Variants in FAM184A observed in about 807,000 individuals in gnomAD.
FAM184A encodes family with sequence similarity 184 member A, also known as protein FAM184A.
Under a neutral mutation model 143.8 loss-of-function variants are expected in FAM184A, and 99 were observed. The observed-to-expected ratio is 0.69, with a 90% CI of 0.58 to 0.81. FAM184A has a LOEUF of 0.81. FAM184A is among the 40% of genes least tolerant of loss of function. FAM184A has a pLI of 0.00. For missense variants in FAM184A, 1,217 were observed against 1,310.5 expected, an observed-to-expected ratio of 0.93 and a Z score of 1.10; for synonymous variants, 427 against 446.4, an observed-to-expected ratio of 0.96 and a Z score of 0.55.
At chr6:119,136,845 A>G (rs1252998687) in intron 1 of FAM184A, among the ~76,000 whole-genome samples, 6 of 152,238 alleles carry the variant, frequency 3.9e-5, no homozygotes, top group Admixed American at 3.3e-4. Flanking sequence ...TTCCACCAAG[A>G]CGGCTACAGT....
chr6:119,130,899 T>C (rs1232919266), intron 1 of FAM184A, among the ~76,000 whole-genome samples: 1 of 148,964 alleles, frequency 6.7e-6, no homozygotes, highest in Non-Finnish European at 1.5e-5. Flanking sequence ...GCTCTGCACC[T>C]AGGCTAGAGT....
At chr6:119,120,454 C>T (rs528009278) in intron 1 of FAM184A, among the ~76,000 whole-genome samples, 46 of 152,338 alleles carry the variant, frequency 3.0e-4, no homozygotes, top group South Asian at 6.2e-4. Context: ...GGCTATTATG[C>T]TGCCATCAGT....
At chr6:119,089,019 C>A (rs959604593) in intron 1 of FAM184A, among the ~76,000 whole-genome samples, 1 of 151,502 alleles carries the variant, frequency 6.6e-6, no homozygotes, top group African/African-American at 2.4e-5. Flanking sequence ...TTTCTTATAT[C>A]TCTCTCATGT....
intron 1 of FAM184A, among the ~76,000 whole-genome samples, chr6:119,105,435 G>T (rs1356368607): frequency 3.9e-5 from 6 of 152,084 alleles, no homozygotes; most frequent in Non-Finnish European, 7.3e-5. Flanking sequence ...CCCCTCACTC[G>T]CTGTCTCTCC....
At chr6:118,991,848 C>T (rs1023484358) in intron 9 of FAM184A, among the ~76,000 whole-genome samples, 2 of 146,892 alleles carry the variant, frequency 1.4e-5, no homozygotes, top group South Asian at 2.2e-4. Flanking sequence ...CTGCAAGCTC[C>T]GCCTCCCGGG....
intron 9 of FAM184A, among the ~76,000 whole-genome samples, chr6:118,992,770 AC>A (rs1784418679): frequency 6.6e-6 from 1 of 152,176 alleles, no homozygotes; most frequent in African/African-American, 2.4e-5. Flanking sequence ...CTACAAAAAA[AC>A]AAAAACAAAA....
At chr6:119,064,610 G>A (rs1241116219) in intron 1 of FAM184A, among the ~76,000 whole-genome samples, 1 of 152,182 alleles carries the variant, frequency 6.6e-6, no homozygotes, top group East Asian at 1.9e-4. Flanking sequence ...AGAGGCTGAG[G>A]TGGGAAGATC....
At chr6:119,048,799 G>T (rs1786633554) in intron 1 of FAM184A, among the ~76,000 whole-genome samples, 1 of 151,370 alleles carries the variant, frequency 6.6e-6, no homozygotes, top group Non-Finnish European at 1.5e-5. Context: ...TGGTAGTGGG[G>T]GACTGGTTGA....
At chr6:118,988,954 A>ATTT (rs71556820) in intron 9 of FAM184A, among the ~76,000 whole-genome samples, 1,154 of 111,988 alleles carry the variant, frequency 0.01, 37 homozygotes, top group Non-Finnish European at 0.015. Context: ...TCTGGACATG[A>ATTT]TTTTTTTTTT....
chr6:119,048,963 C>T (rs1786639929), intron 1 of FAM184A, among the ~76,000 whole-genome samples: 1 of 152,174 alleles, frequency 6.6e-6, no homozygotes, highest in South Asian at 2.1e-4. Flanking sequence ...AATGCTATTC[C>T]AATCCAACTA....
chr6:119,026,960 A>C (rs1011810308), intron 1 of FAM184A, among the ~76,000 whole-genome samples: 1 of 152,104 alleles, frequency 6.6e-6, no homozygotes, highest in African/African-American at 2.4e-5. Context: ...GTCTGATAAG[A>C]GATATTTACC....
rs572508377 is a variant in FAM184A at position 119,011,377 on chromosome 6, G to A, written c.1585C>T (p.Gln529Ter). 3 of 1,588,342 alleles carry A rather than the reference G, an allele frequency of 1.9e-6. No individual in the cohort carries two copies. The highest frequency in any genetic ancestry group is 2.3e-5 in the South Asian group (2 of 87,630). Residue 529 changes from glutamine to a stop codon, truncating the protein, a stop_gained, in exon 6 of 18, where the codon CAG (glutamine) becomes TAG (stop). Coordinates refer to ENST00000338891, the MANE Select transcript of FAM184A (RefSeq NM_024581.6). LOFTEE classifies it high-confidence loss of function. The stretch of plus-strand genomic sequence containing the variant: ...AGGTTTTCTAGCTCTTGTTGAAGCT[G>A]ATTTTTATCCTCTTCCAGGTTTAGT... ...DKLNLEEDKN[Q>*]LQQELENLKE...
At chr6:119,081,478 G>A (rs1208040771), upstream of FAM184A, among the ~76,000 whole-genome samples, 1 of 152,160 alleles carries the variant, frequency 6.6e-6, no homozygotes, top group African/African-American at 2.4e-5. Flanking sequence ...GCCACAGTGG[G>A]CATGTGTTAC....
chr6:119,108,797 A>G (rs60505577), intron 1 of FAM184A, among the ~76,000 whole-genome samples: 12,487 of 152,114 alleles, frequency 0.082, 1,313 homozygotes, highest in African/African-American at 0.25. Context: ...TTTCCCAACC[A>G]TTAAAGCTTT....
At chr6:118,982,560 G>C (rs1405204450) in intron 9 of FAM184A, among the ~76,000 whole-genome samples, 1 of 152,248 alleles carries the variant, frequency 6.6e-6, no homozygotes, top group Non-Finnish European at 1.5e-5. Context: ...CATCCAAAAA[G>C]AATGGACATG....
intron 1 of FAM184A, among the ~76,000 whole-genome samples, chr6:119,071,526 C>G (rs1787683332): frequency 6.6e-6 from 1 of 152,148 alleles, no homozygotes; most frequent in African/African-American, 2.4e-5. Flanking sequence ...AAATATACAA[C>G]CTATAAACCC....
At chr6:119,042,038 T>C (rs1004359623) in intron 1 of FAM184A, among the ~76,000 whole-genome samples, 4 of 152,058 alleles carry the variant, frequency 2.6e-5, no homozygotes, top group Non-Finnish European at 5.9e-5. Flanking sequence ...GACCCCCTGG[T>C]AACAGGACCA....
At chr6:119,069,553 T>A (rs1186450413) in intron 1 of FAM184A, among the ~76,000 whole-genome samples, 1 of 152,140 alleles carries the variant, frequency 6.6e-6, no homozygotes, top group Non-Finnish European at 1.5e-5. Context: ...AATGCGACAC[T>A]TCATTTTATA....
At chr6:119,113,103 T>C (rs1316859104) in intron 1 of FAM184A, among the ~76,000 whole-genome samples, 1 of 152,188 alleles carries the variant, frequency 6.6e-6, no homozygotes, top group Non-Finnish European at 1.5e-5. Context: ...TGACTGAGCA[T>C]GACAGGGTAC....
Sources: gnomAD v4.1 joint callset for allele counts (sites outside exome capture counted in the v4.1 genomes callset) on GRCh38, gnomAD v4.1.1 for gene constraint, MANE v1.5 for transcripts, NCBI Gene and HGNC (gene_info 2026-07-23, HGNC 2026-07-21) for gene names.